LDAH: variants seen among roughly 807,000 people sequenced by gnomAD.
The protein encoded by LDAH is lipid droplet-associated hydrolase.
Under a neutral mutation model 29.6 loss-of-function variants are expected in LDAH, and 26 were observed. That is an observed-to-expected ratio of 0.88 (90% CI 0.64 to 1.22). The LOEUF is 1.22. LDAH is among the 50% of genes most tolerant of loss of function. LDAH has a pLI of 0.00. For synonymous variants in LDAH, 117 were observed against 133.0 expected (o/e 0.88, Z 0.83); for missense variants, 344 against 387.3 (o/e 0.89, Z 0.94).
chr2:20,789,635 G>A (rs1252882136), intron 3 of LDAH, among the ~76,000 whole-genome samples: 1 of 152,126 alleles, frequency 6.6e-6, no homozygotes, highest in East Asian at 1.9e-4. Flanking sequence ...CTTCTTTAAA[G>A]TAAAGAACAT....
chr2:20,688,976 C>T (rs1304005173), intron 6 of LDAH, among the ~76,000 whole-genome samples: 2 of 151,728 alleles, frequency 1.3e-5, no homozygotes, highest in African/African-American at 4.8e-5. Context: ...TCTCCTAATG[C>T]TATCCCTCCC....
intron 2 of LDAH, among the ~76,000 whole-genome samples, chr2:20,796,794 T>C (rs1671333832): frequency 6.6e-6 from 1 of 152,134 alleles, no homozygotes; most frequent in Non-Finnish European, 1.5e-5. Flanking sequence ...ACACCAACTT[T>C]AAGAACCACA....
intron 6 of LDAH, among the ~76,000 whole-genome samples, chr2:20,692,681 G>C (rs987735656): frequency 6.6e-6 from 1 of 152,182 alleles, no homozygotes; most frequent in Non-Finnish European, 1.5e-5. Flanking sequence ...TCACCACGAA[G>C]TCAAGTTTGG....
intron 6 of LDAH, among the ~76,000 whole-genome samples, chr2:20,688,579 C>T (rs188429712): frequency 1.3e-5 from 2 of 152,166 alleles, no homozygotes; most frequent in East Asian, 1.9e-4. Flanking sequence ...GGGAAGCAGG[C>T]GTTATTGCTC....
At chr2:20,708,177 T>A (rs1228612036) in intron 5 of LDAH, among the ~76,000 whole-genome samples, 1 of 152,180 alleles carries the variant, frequency 6.6e-6, no homozygotes, top group Non-Finnish European at 1.5e-5. Context: ...GCTTGAATCA[T>A]CCCCAAACCA....
chr2:20,749,843 GA>G (rs998412982), intron 4 of LDAH, among the ~76,000 whole-genome samples: 2 of 152,108 alleles, frequency 1.3e-5, no homozygotes, highest in Non-Finnish European at 2.9e-5. Flanking sequence ...GTTCAGGAAA[GA>G]AGACATATCT....
At chr2:20,778,969 A>C (rs984963034) in intron 3 of LDAH, among the ~76,000 whole-genome samples, 2 of 151,868 alleles carry the variant, frequency 1.3e-5, no homozygotes, top group African/African-American at 4.8e-5. Context: ...TAAATGTATA[A>C]GTTCAACTAT....
chr2:20,764,872 G>A (rs1668923833), intron 4 of LDAH, among the ~76,000 whole-genome samples: 1 of 152,172 alleles, frequency 6.6e-6, no homozygotes, highest in South Asian at 2.1e-4. Context: ...TTGGCACTTC[G>A]GTCTCATCTT....
At chr2:20,782,311 T>C (rs1313149376) in intron 3 of LDAH, among the ~76,000 whole-genome samples, 1 of 152,248 alleles carries the variant, frequency 6.6e-6, no homozygotes, top group Non-Finnish European at 1.5e-5. Flanking sequence ...GAGTCTGTTT[T>C]CAACTTTCAA....
At position 20,685,023 on chromosome 2, in the gene LDAH, C is replaced by G. The variant is rs572814441; in HGVS notation, c.*1880G>C. 3.4e-6 allele frequency: 5 copies of G among 1,460,874 alleles called. No homozygotes were observed. The Admixed American group carries it at 1.1e-4, about 32-fold the overall frequency. 90.5% of individuals were successfully genotyped at this position (1,460,874 alleles called of 1,614,324 possible). A position where few individuals can be genotyped will look rare whatever the true frequency, so the allele number is the denominator to read the frequency against. ...ACTGCTCAAATTGTACCCTCTCTTG[C>G]CCAACACAGAGATCAGGCCAGACCA... On this transcript the variant is annotated 3_prime_UTR_variant, in exon 7 of 7. Transcript: ENST00000237822.
At chr2:20,802,122 T>C (rs1371540709) in intron 1 of LDAH, among the ~76,000 whole-genome samples, 2 of 151,994 alleles carry the variant, frequency 1.3e-5, no homozygotes, top group Admixed American at 6.6e-5. Context: ...TTCAGTGGCA[T>C]GATCTTGGCT....
intron 4 of LDAH, among the ~76,000 whole-genome samples, chr2:20,764,999 A>G (rs1373514374): frequency 6.6e-6 from 1 of 152,224 alleles, no homozygotes; most frequent in Non-Finnish European, 1.5e-5. Flanking sequence ...TCAATTTTAA[A>G]AATTGAGCTA....
intron 6 of LDAH, among the ~76,000 whole-genome samples, chr2:20,693,018 G>A (rs895163606): frequency 5.9e-5 from 9 of 152,218 alleles, no homozygotes; most frequent in Non-Finnish European, 1.3e-4. Flanking sequence ...ACAGGTCCCT[G>A]AGCCATATCC....
chr2:20,790,929 A>G (rs1383662453), intron 2 of LDAH, among the ~76,000 whole-genome samples: 2 of 152,226 alleles, frequency 1.3e-5, no homozygotes, highest in African/African-American at 4.8e-5. Context: ...AAAAACATTC[A>G]ATCTGATAGA....
At chr2:20,699,130 T>A (rs1019942087) in intron 6 of LDAH, among the ~76,000 whole-genome samples, 1 of 152,226 alleles carries the variant, frequency 6.6e-6, no homozygotes, top group Non-Finnish European at 1.5e-5. Flanking sequence ...TTTAGTTGAA[T>A]AGCTGAGATA....
At chr2:20,728,159 G>A (rs1666143743) in intron 5 of LDAH, among the ~76,000 whole-genome samples, 1 of 152,180 alleles carries the variant, frequency 6.6e-6, no homozygotes, top group Admixed American at 6.5e-5. Context: ...ATTATCCACT[G>A]CTTGGACTAG....
At chr2:20,782,109 T>G (rs1397404388) in intron 3 of LDAH, among the ~76,000 whole-genome samples, 1 of 152,158 alleles carries the variant, frequency 6.6e-6, no homozygotes, top group Non-Finnish European at 1.5e-5. Context: ...GAAAATGTGG[T>G]CCCGAAAATG....
chr2:20,738,405 T>G (rs1666953906), intron 5 of LDAH, among the ~76,000 whole-genome samples: 1 of 151,914 alleles, frequency 6.6e-6, no homozygotes, highest in Non-Finnish European at 1.5e-5. Flanking sequence ...GGTGCATCCC[T>G]CCTCTTATTT....
At position 20,799,357 on chromosome 2, in the gene LDAH, T is replaced by A. The variant is rs201420459; in HGVS notation, c.154+1953A>T. On this transcript the variant is annotated intron_variant, in intron 2 of 6. Transcript: ENST00000237822. ...TTTTTTGGTTATTATTTATTTTTTT[T>A]AAAGATATTGATATTTATGTTATAT... Among the ~76,000 whole-genome samples, 16 of 152,326 alleles carry A rather than the reference T, an allele frequency of 1.1e-4. No homozygotes were observed. In the East Asian group the frequency reaches 2.9e-3, roughly 28 times the overall value.
Sources: gnomAD v4.1 joint callset for allele counts (sites outside exome capture counted in the v4.1 genomes callset) on GRCh38, gnomAD v4.1.1 for gene constraint, MANE v1.5 for transcripts, NCBI Gene and HGNC (gene_info 2026-07-23, HGNC 2026-07-21) for gene names.